Variants in ICE1 observed in about 807,000 individuals in gnomAD.
The protein encoded by ICE1 is interactor of little elongation complex ELL subunit 1.
A neutral mutation model predicts 192.7 loss-of-function variants in ICE1; 64 were observed. That is an observed-to-expected ratio of 0.33 (90% CI 0.27 to 0.41). The LOEUF is 0.41. Among genes scored for constraint, ICE1 ranks in the 10% least tolerant of loss-of-function variants. The pLI, the probability that ICE1 is intolerant of heterozygous loss-of-function variation, is 1.00. For synonymous variants in ICE1, 1,010 were observed against 984.5 expected, an observed-to-expected ratio of 1.03 and a Z score of -0.49; for missense variants, 2,708 against 2,696.0, an observed-to-expected ratio of 1.00 and a Z score of -0.10.
chr5:5,486,772 A>G lies in ICE1; in HGVS notation c.6572A>G (p.Asn2191Ser), dbSNP rs1489397776. The change falls in exon 18 of 19, where the codon AAT becomes AGT. Residue 2191 changes from asparagine (N) to serine (S), a missense_variant. By Grantham distance (46) the Asn-to-Ser change is conservative. Coordinates refer to ENST00000296564, the MANE Select transcript of ICE1 (RefSeq NM_015325.3). ...LKEGFPSAVK[N>S]ISSVIGMFIQ... ...GAAGGATTTCCATCTGCTGTGAAAA[A>G]TATTAGTTCGGTTATTGGTATGTTT... 1.9e-6 allele frequency: 3 copies of G among 1,603,424 alleles called. No individual in the cohort carries two copies. Among genetic ancestry groups the G allele is most frequent in the South Asian group, 1.1e-5 (1 of 88,868 alleles).
chr5:5,444,262 A>G lies in ICE1; in HGVS notation c.387-27A>G, dbSNP rs374257275. On this transcript the variant is annotated intron_variant, in intron 6 of 18. Coordinates refer to ENST00000296564, the MANE Select transcript of ICE1 (RefSeq NM_015325.3). ...TTTTTCCTATTCTCTCTTTCTTGCC[A>G]TTTAACTTACACAATTTCGTTATTA... 52 of 1,522,876 alleles carry G rather than the reference A, an allele frequency of 3.4e-5. No homozygotes were observed. The African/African-American group carries it at 6.7e-4, about 20-fold the overall frequency. The allele number at this position is 1,522,876 out of a possible 1,614,324, so 94.3% of individuals were successfully genotyped here.
At chr5:5,456,427 G>A (rs766565614) in intron 11 of ICE1, among the ~76,000 whole-genome samples, 6 of 152,056 alleles carry the variant, frequency 3.9e-5, no homozygotes, top group Admixed American at 6.5e-5. Flanking sequence ...GAATTCTTAC[G>A]TAAGGAAGAG....
Position 5,463,422 on chromosome 5 carries a change from T to G in ICE1, c.4088T>G (p.Leu1363Arg), listed in dbSNP as rs749943378. 1.9e-6 allele frequency: 3 copies of G among 1,613,414 alleles called. No individual in the cohort carries two copies. The South Asian group carries it at 3.3e-5, about 18-fold the overall frequency. ...GRQTDGGEED[L>R]PEPVEPSALC... Reference sequence around the variant, plus strand: ...CAAACCGATGGTGGGGAAGAAGACCTGCCAGAACCTGTGGAGCCATCAGCC... The same window carrying G: ...CAAACCGATGGTGGGGAAGAAGACCGGCCAGAACCTGTGGAGCCATCAGCC... Residue 1363 changes from leucine (L) to arginine (R), a missense_variant, in exon 13 of 19, where the codon CTG becomes CGG. By Grantham distance (102) the Leu-to-Arg change is moderately radical. Transcript: ENST00000296564.
intron 10 of ICE1, among the ~76,000 whole-genome samples, chr5:5,450,705 A>G (rs939323787): frequency 2.6e-5 from 4 of 152,258 alleles, no homozygotes; most frequent in Admixed American, 6.5e-5. Context: ...CAATGCTGAC[A>G]TTAAAGCAGT....
chr5:5,435,248 A>G (rs1737834475), intron 1 of ICE1, among the ~76,000 whole-genome samples: 1 of 152,240 alleles, frequency 6.6e-6, no homozygotes, highest in Non-Finnish European at 1.5e-5. Flanking sequence ...AGATTACAAG[A>G]GAAACTATGC....
chr5:5,464,353 T>G lies in ICE1; in HGVS notation c.5019T>G (p.Arg1673=). The change falls in exon 13 of 19, where the codon CGT becomes CGG. Residue 1673 remains arginine (R), a synonymous_variant. Coordinates refer to ENST00000296564, the MANE Select transcript of ICE1 (RefSeq NM_015325.3). The surrounding 1 kb of genome is among the most constrained non-coding windows in gnomAD (Gnocchi z 4.0). ...CTGTTGGCCAGGTTTCTCCCTTCCG[T>G]GAAACCCCAGTGCCTCCTGCCATGT... is the stretch of plus-strand genomic sequence containing the variant. ...ASPVGQVSPF[R]ETPVPPAMSP... 6.2e-7 allele frequency: 1 copy of G among 1,613,744 alleles called. No homozygotes were observed. The highest frequency in any genetic ancestry group is 8.5e-7 in the Non-Finnish European group (1 of 1,179,828).
intron 18 of ICE1, among the ~76,000 whole-genome samples, chr5:5,488,725 G>A (rs373534011): frequency 2.2e-4 from 33 of 152,218 alleles, no homozygotes; most frequent in African/African-American, 6.3e-4. Flanking sequence ...CATTTCCAAA[G>A]TCCATTTATA....
At chr5:5,479,631 A>G (rs577068921) in intron 17 of ICE1, among the ~76,000 whole-genome samples, 34 of 152,364 alleles carry the variant, frequency 2.2e-4, no homozygotes, top group African/African-American at 8.2e-4. Context: ...TCCACTATAA[A>G]GACTCATGCA....
chr5:5,439,954 G>A (rs1249676117), intron 4 of ICE1, 41 bp downstream of exon 4: 3 of 1,423,820 alleles, frequency 2.1e-6, no homozygotes, highest in Non-Finnish European at 2.9e-6. Context: ...CCACCTATAT[G>A]AGTAGTTGAT....
intron 2 of ICE1, 111 bp downstream of exon 2, chr5:5,436,587 T>C (rs1485779305): frequency 1.9e-6 from 1 of 540,210 alleles, no homozygotes; most frequent in Non-Finnish European, 3.2e-6. Context: ...AGTTTCTCCT[T>C]TGGAGGCCTG....
In ICE1 at chr5:5,462,857, G is replaced by A. The variant is rs1041803079; in HGVS notation, c.3523G>A (p.Val1175Ile). 1 of 1,609,202 alleles carries A rather than the reference G, an allele frequency of 6.2e-7. No homozygotes were observed. Among genetic ancestry groups the A allele is most frequent in the East Asian group, 2.2e-5 (1 of 44,826 alleles). The change falls in exon 13 of 19, where the codon GTT (valine) becomes ATT (isoleucine). Residue 1175 changes from valine (V) to isoleucine (I), a missense_variant. Val to Ile is a conservative substitution (Grantham distance 29, BLOSUM62 3). Transcript: ENST00000296564. ...GCTGGATAGACTTTCCACATCAGAG[G>A]TTGTGATGTTTCTTGAGAGCTGTCA... ...SELDRLSTSE[V>I]VMFLESCQLG...
intron 15 of ICE1, among the ~76,000 whole-genome samples, chr5:5,470,074 G>A (rs1028116056): frequency 1.3e-5 from 2 of 152,136 alleles, no homozygotes; most frequent in Non-Finnish European, 2.9e-5. Flanking sequence ...TGCCTCTGGA[G>A]GGTTACCTGT....
In ICE1 at chr5:5,461,607, G is replaced by T. The variant is rs780417170; in HGVS notation, c.2273G>T (p.Arg758Ile). ...GGGCAATGTGAAAGTCAAGATCCAA[G>T]AATTGAGCTCACACTAAATAAGCCA... The part of the protein sequence containing the change: ...KDGQCESQDP[R>I]IELTLNKPDF... The change falls in exon 13 of 19, where the codon AGA becomes ATA. Residue 758 changes from arginine to isoleucine, a missense_variant. Arg to Ile is a moderately conservative substitution (Grantham distance 97, BLOSUM62 -3). This residue lies in a region of ICE1 where 2,366 missense variants were observed against 2,276.6 expected (regional missense o/e 1.04). Coordinates refer to ENST00000296564, the MANE Select transcript of ICE1 (RefSeq NM_015325.3). The T allele has an allele frequency of 5.6e-6, 9 of 1,613,274 alleles. No homozygotes were observed. The highest frequency in any genetic ancestry group is 7.6e-6 in the Non-Finnish European group (9 of 1,179,574).
rs1737357954 is a variant in ICE1 at position 5,423,014 on chromosome 5, G to C, written c.84+15G>C. The C allele has an allele frequency of 7.3e-7, 1 of 1,369,870 alleles. No homozygotes were observed. The allele number at this position is 1,369,870 out of a possible 1,614,324, so 84.9% of individuals were successfully genotyped here. ...CTCTGCAGCAGGTGCAGCACCTCCCGGGGCCCCGGGCGCGGGGGGGGACTC... is the reference window on the plus strand; with the variant it reads ...CTCTGCAGCAGGTGCAGCACCTCCCCGGGCCCCGGGCGCGGGGGGGGACTC... On this transcript the variant is annotated intron_variant, in intron 1 of 18. Coordinates refer to ENST00000296564, the MANE Select transcript of ICE1 (RefSeq NM_015325.3).
rs749439588 is a variant in ICE1, at chr5:5,468,954, T to G, written c.6188T>G (p.Leu2063Arg). ...VARQRAKGEV[L>R]NCLRAFLNWE... ...AGGCAACGTGCTAAAGGAGAGGTTC[T>G]GAACTGCTTGAGAGCTTTTCTTAAT... Residue 2063 changes from leucine to arginine, a missense_variant, in exon 15 of 19, where the codon CTG becomes CGG. By Grantham distance (102) the Leu-to-Arg change is moderately radical. Coordinates refer to ENST00000296564, the MANE Select transcript of ICE1 (RefSeq NM_015325.3). The G allele has an allele frequency of 2.6e-6, 4 of 1,566,660 alleles. No homozygotes were observed. The highest frequency in any genetic ancestry group is 3.4e-6 in the Non-Finnish European group (4 of 1,159,734).
rs200502665 is a variant in ICE1 at position 5,460,882 on chromosome 5, C to A, written c.1548C>A (p.Ser516Arg). ...TATGCATTGAGAGATTGTCTGCCAG[C>A]CCTGCACAAGAGAAGGAAGCTGCCC... is the stretch of plus-strand genomic sequence containing the variant. ...RGLCIERLSA[S>R]PAQEKEAAPG... The change falls in exon 13 of 19, where the codon AGC becomes AGA. Residue 516 changes from serine (S) to arginine (R), a missense_variant. Coordinates refer to ENST00000296564, the MANE Select transcript of ICE1 (RefSeq NM_015325.3). 142 of 1,614,004 alleles carry A rather than the reference C, an allele frequency of 8.8e-5. No homozygotes were observed. In the African/African-American group the frequency reaches 1.9e-3, roughly 21 times the overall value.
intron 1 of ICE1, among the ~76,000 whole-genome samples, chr5:5,423,709 T>G (rs1737418190): frequency 6.6e-6 from 1 of 152,180 alleles, no homozygotes; most frequent in Non-Finnish European, 1.5e-5. Flanking sequence ...GCCCCTCATT[T>G]CCCACGACTC....
chr5:5,448,401 GAC>G (rs74272441), intron 10 of ICE1, among the ~76,000 whole-genome samples: 10,366 of 152,214 alleles, frequency 0.068, 515 homozygotes, highest in Non-Finnish European at 0.11. Flanking sequence ...TACAAATGTG[GAC>G]ACACACTGCG....
chr5:5,442,467 A>G (rs968068457), intron 5 of ICE1, among the ~76,000 whole-genome samples: 2 of 152,210 alleles, frequency 1.3e-5, no homozygotes, highest in East Asian at 1.9e-4. Flanking sequence ...AATGATCTCT[A>G]TTTGGTTATA....
Sources: allele counts gnomAD v4.1 joint callset (sites outside exome capture counted in the v4.1 genomes callset), GRCh38; gene constraint gnomAD v4.1.1; regional missense constraint gnomAD v4.1.1; non-coding constraint Gnocchi (gnomAD v3.1); transcripts MANE v1.5; gene names NCBI Gene and HGNC (gene_info 2026-07-23, HGNC 2026-07-21).